JPH2: variants seen among roughly 807,000 people sequenced by gnomAD.
The protein encoded by JPH2 is junctophilin-2.
JPH2 carries 38 observed loss-of-function variants against 55.9 expected under a neutral mutation model. The observed-to-expected ratio is 0.68, with a 90% confidence interval of 0.52 to 0.89. The LOEUF (loss-of-function observed/expected upper bound fraction) is 0.89, where lower values mean the gene tolerates loss of function less well. Ranked by LOEUF, JPH2 falls within the 40% of genes least tolerant of loss-of-function variation. JPH2 has a pLI of 0.00. For synonymous variants in JPH2, 480 were observed against 472.4 expected, an observed-to-expected ratio of 1.02 and a Z score of -0.21; for missense variants, 964 against 1,037.6, an observed-to-expected ratio of 0.93 and a Z score of 0.97.
intron 1 of JPH2, among the ~76,000 whole-genome samples, chr20:44,173,719 T>C (rs1407365148): frequency 1.3e-5 from 2 of 152,058 alleles, no homozygotes; most frequent in African/African-American, 4.8e-5. Context: ...TTCAAGACCA[T>C]CCTGGCCAAC....
At chr20:44,162,829 A>G (rs1210818959) in intron 1 of JPH2, among the ~76,000 whole-genome samples, 5 of 111,842 alleles carry the variant, frequency 4.5e-5, no homozygotes, top group Admixed American at 9.3e-5. Flanking sequence ...CACACATCCT[A>G]TTAGATCTGT....
chr20:44,134,279 T>TA (rs1555855688), intron 2 of JPH2, among the ~76,000 whole-genome samples: 8 of 1,878 alleles, frequency 4.3e-3, no homozygotes, highest in Non-Finnish European at 5.4e-3. Context: ...TATATATACA[T>TA]ATAAATATTT....
In JPH2 at chr20:44,160,278, T is replaced by C. The variant is rs1421461352; in HGVS notation, c.509A>G (p.His170Arg). The C allele has an allele frequency of 6.5e-7, 1 of 1,536,186 alleles. No individual in the cohort carries two copies. The highest frequency in any genetic ancestry group is 8.7e-7 in the Non-Finnish European group (1 of 1,143,944). Residue 170 changes from histidine to arginine, a missense_variant, in exon 2 of 6, where the codon CAC becomes CGC. By Grantham distance (29) the His-to-Arg change is conservative. Coordinates refer to ENST00000372980, the MANE Select transcript of JPH2 (RefSeq NM_020433.5). The surrounding 1 kb of genome is among the most constrained non-coding windows in gnomAD (Gnocchi z 4.9). Reference sequence around the variant, plus strand: ...GTCCGGGGCCACCGTGCCGTTGCTGTGCTCGCTGCGCAGGGACGACAGCGA... The same window carrying C: ...GTCCGGGGCCACCGTGCCGTTGCTGCGCTCGCTGCGCAGGGACGACAGCGA... ...RTSLSSLRSE[H>R]SNGTVAPDSP...
intron 1 of JPH2, 150 bp downstream of exon 1, chr20:44,186,177 G>A (rs770828415): frequency 3.7e-6 from 3 of 806,536 alleles, no homozygotes; most frequent in Non-Finnish European, 5.8e-6. Flanking sequence ...AGCTCAGAAA[G>A]GTAGAGCAGC....
rs1396474302 is a variant in JPH2, at chr20:44,134,736, T to A, written c.1170-16113A>T. The stretch of plus-strand genomic sequence containing the variant: ...ATTATAAATATATATTTATTATAAA[T>A]ATATAAAGATATATTTATTATAAAT... On this transcript the variant is annotated intron_variant, in intron 2 of 5. Coordinates refer to ENST00000372980, the MANE Select transcript of JPH2 (RefSeq NM_020433.5). 2.4e-5 allele frequency among the ~76,000 whole-genome samples: 2 copies of A among 84,708 alleles called. 1 individual carries two copies. Among genetic ancestry groups the A allele is most frequent in the Non-Finnish European group, 4.2e-5 (2 of 47,874 alleles). The allele number at this position is 84,708 out of a possible 152,430, so 55.6% of individuals were successfully genotyped here.
In JPH2 at chr20:44,111,416, A is replaced by G. The variant is rs1394892634; in HGVS notation, c.*2102T>C. Among the ~76,000 whole-genome samples, 1 of 152,182 alleles carries G rather than the reference A, an allele frequency of 6.6e-6. No individual in the cohort carries two copies. Among genetic ancestry groups the G allele is most frequent in the Admixed American group, 6.5e-5 (1 of 15,276 alleles). On this transcript the variant is annotated 3_prime_UTR_variant, in exon 6 of 6. Transcript: ENST00000372980. ...GAGAAGCGAAGAAAGTGGCTGGGCT[A>G]GCATTGGAGGCTGGGGGGACTCCAC...
chr20:44,141,799 A>T (rs2072458692), intron 2 of JPH2, among the ~76,000 whole-genome samples: 1 of 152,144 alleles, frequency 6.6e-6, no homozygotes, highest in Non-Finnish European at 1.5e-5. Flanking sequence ...AGGAGCCACC[A>T]TGCCCAGCCA....
chr20:44,182,657 C>T (rs1386441386), intron 1 of JPH2, among the ~76,000 whole-genome samples: 1 of 152,202 alleles, frequency 6.6e-6, no homozygotes, highest in Admixed American at 6.5e-5. Flanking sequence ...TCTACAGGCT[C>T]CTCCATCCTC....
At chr20:44,179,672 T>C (rs193220644) in intron 1 of JPH2, among the ~76,000 whole-genome samples, 1 of 152,358 alleles carries the variant, frequency 6.6e-6, no homozygotes, top group African/African-American at 2.4e-5. Flanking sequence ...GGGGTCCACA[T>C]TTTCATTTTG....
At position 44,122,673 on chromosome 20, in the gene JPH2, G is replaced by A. The variant is rs140254242; in HGVS notation, c.1170-4050C>T. On this transcript the variant is annotated intron_variant, in intron 2 of 5. Transcript: ENST00000372980. ...GTAATTCTCCCCTCCTGAAGTTGCC[G>A]TGAAAACTAAGTGAGAGGCAACGCG... Among the ~76,000 whole-genome samples the A allele has an allele frequency of 5.4e-3, 822 of 152,182 alleles. 5 individuals are homozygous for A. The highest frequency in any genetic ancestry group is 0.019 in the African/African-American group (790 of 41,522).
At chr20:44,167,577 G>A (rs1050591437) in intron 1 of JPH2, among the ~76,000 whole-genome samples, 1 of 152,040 alleles carries the variant, frequency 6.6e-6, no homozygotes, top group Non-Finnish European at 1.5e-5. Context: ...CCATAACCAT[G>A]GCAAAAATAC....
intron 2 of JPH2, among the ~76,000 whole-genome samples, chr20:44,123,922 T>C (rs1462317339): frequency 6.6e-6 from 1 of 152,146 alleles, no homozygotes; most frequent in Non-Finnish European, 1.5e-5. Flanking sequence ...GGTCCCTCCC[T>C]GAATCAAGGC....
chr20:44,143,328 C>T (rs1476120858), intron 2 of JPH2, among the ~76,000 whole-genome samples: 1 of 152,106 alleles, frequency 6.6e-6, no homozygotes, highest in South Asian at 2.1e-4. Context: ...CCCCTAGTTT[C>T]CCCCGTAGCT....
rs145072240 is a variant in JPH2 at position 44,167,064 on chromosome 20, C to T, written c.380-6657G>A. ...ACATGCTCTTCTCTTCCCTCTTCCC[C>T]TGGCCAACTTCTATTGACAGTTCTA... is the stretch of plus-strand genomic sequence containing the variant. On this transcript the variant is annotated intron_variant, in intron 1 of 5. Transcript: ENST00000372980. Among the ~76,000 whole-genome samples the T allele has an allele frequency of 7.2e-3, 1,102 of 152,338 alleles. 19 individuals carry two copies. The highest frequency in any genetic ancestry group is 0.025 in the African/African-American group (1,048 of 41,570).
chr20:44,145,498 G>A (rs2072487707), intron 2 of JPH2, among the ~76,000 whole-genome samples: 1 of 151,972 alleles, frequency 6.6e-6, no homozygotes, highest in Non-Finnish European at 1.5e-5. Flanking sequence ...CAGCTACTCG[G>A]GAGGCTGCAG....
chr20:44,142,370 T>G lies in JPH2; in HGVS notation c.1169+17248A>C, dbSNP rs1016362132. 4.6e-5 allele frequency among the ~76,000 whole-genome samples: 7 copies of G among 152,146 alleles called. 1 individual carries two copies. The highest frequency in any genetic ancestry group is 4.6e-4 in the Admixed American group (7 of 15,280). On this transcript the variant is annotated intron_variant, in intron 2 of 5. Coordinates refer to ENST00000372980, the MANE Select transcript of JPH2 (RefSeq NM_020433.5). The stretch of plus-strand genomic sequence containing the variant: ...TAGTGGCTCCCAGATTGTACAACAT[T>G]GCCATCCATCCCCGCCGCCTCCCCA...
chr20:44,147,426 G>C (rs2072500865), intron 2 of JPH2, among the ~76,000 whole-genome samples: 2 of 152,136 alleles, frequency 1.3e-5, no homozygotes, highest in African/African-American at 4.8e-5. Flanking sequence ...GCTAAAGGGA[G>C]GAAGATAAAT....
chr20:44,147,174 G>T (rs1600850515), intron 2 of JPH2, among the ~76,000 whole-genome samples: 1 of 152,150 alleles, frequency 6.6e-6, no homozygotes, highest in East Asian at 1.9e-4. Flanking sequence ...CCCTTGCAAA[G>T]GCCCACGTGA....
chr20:44,128,674 GTC>G (rs1316679398), intron 2 of JPH2, among the ~76,000 whole-genome samples: 1 of 151,706 alleles, frequency 6.6e-6, no homozygotes. Flanking sequence ...TAATATTTTC[GTC>G]TTTTTCTTTT....
Sources: allele counts gnomAD v4.1 joint callset (sites outside exome capture counted in the v4.1 genomes callset), GRCh38; gene constraint gnomAD v4.1.1; non-coding constraint Gnocchi (gnomAD v3.1); transcripts MANE v1.5; gene names NCBI Gene and HGNC (gene_info 2026-07-23, HGNC 2026-07-21).